The following PPFIA2 variants were observed in gnomAD, a reference collection of about 807,000 sequenced individuals.
PPFIA2 encodes liprin-alpha-2.
PPFIA2 carries 46 observed loss-of-function variants against 175.5 expected under a neutral mutation model. The observed-to-expected ratio is 0.26, with a 90% CI of 0.21 to 0.34. The LOEUF (loss-of-function observed/expected upper bound fraction) is 0.34, where lower values mean the gene tolerates loss of function less well. Among genes scored for constraint, PPFIA2 ranks in the 10% least tolerant of loss-of-function variants. The pLI is 1.00. For synonymous variants in PPFIA2, 568 were observed against 511.4 expected (o/e 1.11, Z -1.49); for missense variants, 1,179 against 1,506.1 (o/e 0.78, Z 3.60).
chr12:81,442,845 CTTCATA>C (rs1404713678), intron 6 of PPFIA2, among the ~76,000 whole-genome samples: 31 of 51,518 alleles, frequency 6.0e-4, no homozygotes, highest in African/African-American at 2.1e-3. Flanking sequence ...CTTTTTCTGA[CTTCATA>C]TATATATATA....
chr12:81,611,240 CAG>C (rs1055716975), intron 4 of PPFIA2, among the ~76,000 whole-genome samples: 5 of 152,120 alleles, frequency 3.3e-5, no homozygotes, highest in African/African-American at 1.2e-4. Flanking sequence ...AAGGTTGTGA[CAG>C]GGAGATATGC....
At chr12:81,553,757 G>T (rs1356395417) in intron 4 of PPFIA2, among the ~76,000 whole-genome samples, 1 of 151,970 alleles carries the variant, frequency 6.6e-6, no homozygotes, top group East Asian at 1.9e-4. Flanking sequence ...GAGAGACTTT[G>T]GGTGAGAATT....
intron 16 of PPFIA2, 126 bp downstream of exon 16, chr12:81,357,956 C>A (rs1000839908): frequency 9.9e-7 from 1 of 1,008,250 alleles, no homozygotes; most frequent in South Asian, 2.0e-5. Flanking sequence ...TTAAAAATGT[C>A]ATACTCTGTG....
chr12:81,736,844 G>T (rs2081640488), intron 3 of PPFIA2, among the ~76,000 whole-genome samples: 1 of 151,932 alleles, frequency 6.6e-6, no homozygotes, highest in Non-Finnish European at 1.5e-5. Flanking sequence ...CTGGACTCAA[G>T]GGATTCTCTT....
At chr12:81,732,513 TA>T (rs60761301) in intron 3 of PPFIA2, among the ~76,000 whole-genome samples, 31,184 of 133,992 alleles carry the variant, frequency 0.23, 3,310 homozygotes, top group Middle Eastern at 0.32. Context: ...TGTTTTTTTT[TA>T]AAAAAAAAAA....
At chr12:81,582,476 T>C (rs932758531) in intron 4 of PPFIA2, among the ~76,000 whole-genome samples, 2 of 151,860 alleles carry the variant, frequency 1.3e-5, no homozygotes, top group African/African-American at 4.8e-5. Flanking sequence ...AAGGCTAATT[T>C]TCTAGGCCTG....
intron 4 of PPFIA2, among the ~76,000 whole-genome samples, chr12:81,624,935 T>C (rs1012896493): frequency 6.6e-6 from 1 of 151,506 alleles, no homozygotes; most frequent in Non-Finnish European, 1.5e-5. Context: ...ATGTAATTCA[T>C]CCATGTAACA....
chr12:81,443,525 C>A (rs1337990764), intron 6 of PPFIA2, among the ~76,000 whole-genome samples: 1 of 149,108 alleles, frequency 6.7e-6, no homozygotes, highest in Admixed American at 6.6e-5. Flanking sequence ...CGTTGTACAA[C>A]AACCATTTTT....
chr12:81,552,219 T>C (rs571702853), intron 4 of PPFIA2, among the ~76,000 whole-genome samples: 1 of 151,908 alleles, frequency 6.6e-6, no homozygotes, highest in African/African-American at 2.4e-5. Flanking sequence ...CCTCAGAAAT[T>C]ATGGATTGAA....
Position 81,431,117 on chromosome 12 carries a change from T to C in PPFIA2, c.645+8855A>G, listed in dbSNP as rs531552592. ...TACACTTGCCAGTTCTTTTTATGTA[T>C]AATGTAATCATGTGGAAAGGCTTTT... On this transcript the variant is annotated intron_variant, in intron 7 of 32. Coordinates refer to ENST00000549396, the MANE Select transcript of PPFIA2 (RefSeq NM_003625.5). The C allele has an allele frequency of 2.0e-5, 3 of 152,324 alleles. No homozygotes were observed. The South Asian group carries it at 6.2e-4, about 32-fold the overall frequency. The allele number at this position is 152,324 out of a possible 1,614,324, so 9.4% of individuals were successfully genotyped here. A position where few individuals can be genotyped will look rare whatever the true frequency, so the allele number is the denominator to read the frequency against.
At chr12:81,456,283 C>T (rs150263745) in intron 5 of PPFIA2, among the ~76,000 whole-genome samples, 82 of 152,244 alleles carry the variant, frequency 5.4e-4, no homozygotes, top group African/African-American at 1.8e-3. Flanking sequence ...TTGTCTGATA[C>T]CTGATAATAT....
At chr12:81,648,558 C>T (rs576616065) in intron 4 of PPFIA2, among the ~76,000 whole-genome samples, 1 of 151,690 alleles carries the variant, frequency 6.6e-6, no homozygotes, top group African/African-American at 2.4e-5. Flanking sequence ...GGTAAGATAT[C>T]AATTCTCCTT....
Position 81,711,521 on chromosome 12 carries a change from G to A in PPFIA2, c.250-34677C>T, listed in dbSNP as rs551453156. Among the ~76,000 whole-genome samples, 16 of 151,266 alleles carry A rather than the reference G, an allele frequency of 1.1e-4. 1 individual carries two copies. The South Asian group carries it at 2.5e-3, about 24-fold the overall frequency. On this transcript the variant is annotated intron_variant, in intron 3 of 32. Transcript: ENST00000549396. Reference sequence around the variant, plus strand: ...TCTAGATTCTCTATTATCTCCTATTGTTTCTTCATTGATCCCAGTATAATT... The same window carrying A: ...TCTAGATTCTCTATTATCTCCTATTATTTCTTCATTGATCCCAGTATAATT...
At chr12:81,446,660 T>C (rs2051331073) in intron 5 of PPFIA2, among the ~76,000 whole-genome samples, 1 of 152,142 alleles carries the variant, frequency 6.6e-6, no homozygotes, top group South Asian at 2.1e-4. Context: ...TGGTGTCTAC[T>C]TATGCAAAAT....
chr12:81,710,986 T>C (rs1596653945), intron 3 of PPFIA2, among the ~76,000 whole-genome samples: 1 of 151,422 alleles, frequency 6.6e-6, no homozygotes, highest in South Asian at 2.1e-4. Flanking sequence ...AAATCCCAGC[T>C]CTTTGGGAGG....
chr12:81,510,298 C>A (rs1337959778), intron 4 of PPFIA2, among the ~76,000 whole-genome samples: 1 of 152,052 alleles, frequency 6.6e-6, no homozygotes, highest in Admixed American at 6.6e-5. Context: ...CCATACATTT[C>A]TCATGAGCTC....
intron 4 of PPFIA2, among the ~76,000 whole-genome samples, chr12:81,576,785 A>C (rs2073632417): frequency 6.6e-6 from 1 of 151,876 alleles, no homozygotes; most frequent in Admixed American, 6.6e-5. Context: ...GAAATTGGAA[A>C]GCATTTTAAA....
At chr12:81,629,243 C>T (rs1011196141) in intron 4 of PPFIA2, among the ~76,000 whole-genome samples, 3 of 151,806 alleles carry the variant, frequency 2.0e-5, no homozygotes, top group African/African-American at 7.3e-5. Context: ...ATTGAATGAG[C>T]TTCAATATTA....
intron 2 of PPFIA2, among the ~76,000 whole-genome samples, chr12:81,755,312 C>T (rs1362231917): frequency 2.0e-5 from 3 of 152,122 alleles, no homozygotes; most frequent in African/African-American, 7.2e-5. Context: ...AAAGAAAAGT[C>T]AAACTCATCT....
Sources: allele counts gnomAD v4.1 joint callset (sites outside exome capture counted in the v4.1 genomes callset), GRCh38; gene constraint gnomAD v4.1.1; transcripts MANE v1.5; gene names NCBI Gene and HGNC (gene_info 2026-07-23, HGNC 2026-07-21).